LOXL2: variants seen among roughly 807,000 people sequenced by gnomAD.
LOXL2 encodes lysyl oxidase homolog 2.
Under a neutral mutation model 93.0 loss-of-function variants are expected in LOXL2, and 70 were observed. The ratio of observed to expected loss-of-function variants is 0.75; its 90% CI spans 0.62 to 0.92. The LOEUF is 0.92. Among genes scored for constraint, LOXL2 ranks in the 40% least tolerant of loss-of-function variants. LOXL2 has a pLI of 0.00. For synonymous variants in LOXL2, 438 were observed against 413.2 expected, an observed-to-expected ratio of 1.06 and a Z score of -0.73; for missense variants, 973 against 1,054.9, an observed-to-expected ratio of 0.92 and a Z score of 1.08.
At chr8:23,372,044 G>A (rs2117217412) in intron 1 of LOXL2, among the ~76,000 whole-genome samples, 1 of 151,328 alleles carries the variant, frequency 6.6e-6, no homozygotes, top group East Asian at 1.9e-4. Flanking sequence ...CAAAATTGAA[G>A]CAATAAAACA....
At chr8:23,318,424 AGC>A (rs1491144070) in intron 8 of LOXL2, among the ~76,000 whole-genome samples, 671 of 60,482 alleles carry the variant, frequency 0.011, 9 homozygotes, top group African/African-American at 0.034. Context: ...ATTGGTTGAT[AGC>A]ACACACACAC....
chr8:23,370,153 C>T (rs769995629), intron 1 of LOXL2, among the ~76,000 whole-genome samples: 4 of 152,058 alleles, frequency 2.6e-5, no homozygotes, highest in Non-Finnish European at 4.4e-5. Context: ...ACGGTGTCTC[C>T]CTTCTCTCAC....
In LOXL2 at chr8:23,360,089, C is replaced by G; in HGVS notation, c.531+1G>C. On this transcript the variant is annotated splice_donor_variant, in intron 3 of 13. Transcript: ENST00000389131. LOFTEE classifies it high-confidence loss of function. ...GGAAACATCAAGAGCACATGACTTG[C>G]CTCTATCTGGTTGATCAACGAATTG... 6.3e-7 allele frequency: 1 copy of G among 1,597,618 alleles called. No individual in the cohort carries two copies. The highest frequency in any genetic ancestry group is 8.6e-7 in the Non-Finnish European group (1 of 1,165,880).
intron 2 of LOXL2, among the ~76,000 whole-genome samples, chr8:23,366,384 C>T (rs1282092864): frequency 6.6e-6 from 1 of 152,218 alleles, no homozygotes; most frequent in Non-Finnish European, 1.5e-5. Flanking sequence ...CCAGTTACCC[C>T]AAAAGGAAAT....
chr8:23,330,618 G>A (rs1013618733), intron 5 of LOXL2, among the ~76,000 whole-genome samples: 4 of 152,088 alleles, frequency 2.6e-5, no homozygotes, highest in Non-Finnish European at 2.9e-5. Flanking sequence ...TGTAAGGCAC[G>A]CTCGCTCTGT....
chr8:23,322,668 C>T (rs1327576875), intron 6 of LOXL2, among the ~76,000 whole-genome samples: 1 of 152,196 alleles, frequency 6.6e-6, no homozygotes, highest in East Asian at 1.9e-4. Context: ...ATTGCTGTAT[C>T]TGTCAAGGGT....
At chr8:23,325,548 T>C (rs1803564739) in intron 6 of LOXL2, among the ~76,000 whole-genome samples, 1 of 152,174 alleles carries the variant, frequency 6.6e-6, no homozygotes, top group Non-Finnish European at 1.5e-5. Flanking sequence ...TGCCTCTGCT[T>C]CCCAAAGTCC....
At position 23,338,049 on chromosome 8, in the gene LOXL2, CAGA is replaced by C. The variant is rs558229952; in HGVS notation, c.743+2940_743+2942del. Among the ~76,000 whole-genome samples, 458 of 152,300 alleles carry C rather than the reference CAGA, an allele frequency of 3.0e-3. 4 individuals carry two copies. Among genetic ancestry groups the C allele is most frequent in the African/African-American group, 0.01 (424 of 41,556 alleles). Reference sequence around the variant, plus strand: ...GACTGGGGAAGCCTCACCATCATGGCAGAAGGTGAAGGAGGAACAAAGGCACGT... The same window carrying C: ...GACTGGGGAAGCCTCACCATCATGGCAGGTGAAGGAGGAACAAAGGCACGT... On this transcript the variant is annotated intron_variant, in intron 4 of 13. Coordinates refer to ENST00000389131, the MANE Select transcript of LOXL2 (RefSeq NM_002318.3).
rs1161516961 is a variant in LOXL2 at position 23,404,079 on chromosome 8, G to GT, written c.-210_-209insA. On this transcript the variant is annotated 5_prime_UTR_variant, in exon 1 of 14. Coordinates refer to ENST00000389131, the MANE Select transcript of LOXL2 (RefSeq NM_002318.3). ...GCGGCTCTGGTCTCCGATGGCTGGA[G>GT]AAAGCAAGCACCAAGCGTAGGTAGC... The GT allele has an allele frequency of 4.7e-6, 1 of 213,784 alleles. No individual in the cohort carries two copies. Among genetic ancestry groups the GT allele is most frequent in the Admixed American group, 6.1e-5 (1 of 16,386 alleles). The allele number at this position is 213,784 out of a possible 1,614,324, so 13.2% of individuals were successfully genotyped here. A position where few individuals can be genotyped will look rare whatever the true frequency, so the allele number is the denominator to read the frequency against.
intron 3 of LOXL2, 82 bp from the exon 4 acceptor site, chr8:23,341,285 C>T (rs145444213): frequency 1.3e-4 from 153 of 1,162,216 alleles, no homozygotes; most frequent in Non-Finnish European, 1.7e-4. Context: ...ACTTCTTTAG[C>T]GACTATGGGC....
rs540353181 is a variant in LOXL2, at chr8:23,349,250, T to C, written c.532-8047A>G. Among the ~76,000 whole-genome samples, 15 of 152,316 alleles carry C rather than the reference T, an allele frequency of 9.8e-5. No homozygotes were observed. In the South Asian group the frequency reaches 3.1e-3, roughly 32 times the overall value. On this transcript the variant is annotated intron_variant, in intron 3 of 13. Coordinates refer to ENST00000389131, the MANE Select transcript of LOXL2 (RefSeq NM_002318.3). ...CTGTGCTGTCTCCTCGCCTCTGGTT[T>C]CTTCTCCCATCCGTTCATCCTCTTT...
intron 2 of LOXL2, among the ~76,000 whole-genome samples, chr8:23,367,064 T>C (rs1451499469): frequency 6.6e-6 from 1 of 152,174 alleles, no homozygotes; most frequent in Non-Finnish European, 1.5e-5. Flanking sequence ...TTTTTGTTTT[T>C]TTGAGATGGA....
At chr8:23,346,606 G>C (rs1261556606) in intron 3 of LOXL2, among the ~76,000 whole-genome samples, 1 of 152,226 alleles carries the variant, frequency 6.6e-6, no homozygotes, top group Non-Finnish European at 1.5e-5. Flanking sequence ...ATAGTCTGGG[G>C]CTGTCGCCAA....
At chr8:23,354,276 C>T (rs1804145658) in intron 3 of LOXL2, among the ~76,000 whole-genome samples, 1 of 152,114 alleles carries the variant, frequency 6.6e-6, no homozygotes, top group African/African-American at 2.4e-5. Flanking sequence ...GTTACAGAAC[C>T]CAGCCCACAA....
intron 4 of LOXL2, among the ~76,000 whole-genome samples, chr8:23,334,960 G>T (rs1404652656): frequency 6.6e-6 from 1 of 151,942 alleles, no homozygotes. Context: ...GGGATTACAG[G>T]TACCTGCCAC....
rs1803876026 is a variant in LOXL2, at chr8:23,341,121, T to C, written c.614A>G (p.Tyr205Cys). 3.1e-6 allele frequency: 5 copies of C among 1,613,904 alleles called. No homozygotes were observed. The highest frequency in any genetic ancestry group is 4.2e-6 in the Non-Finnish European group (5 of 1,180,026). ...GGTCTTGCCCTCCTTCACCTCCACG[T>C]AGCCCTCCATCACTGGGGTGCGCTT... ...YRKRTPVMEG[Y>C]VEVKEGKTWK... The change falls in exon 4 of 14, where the codon TAC (tyrosine) becomes TGC (cysteine). Residue 205 changes from tyrosine to cysteine, a missense_variant. By Grantham distance (194) the Tyr-to-Cys change is radical. Transcript: ENST00000389131.
intron 4 of LOXL2, among the ~76,000 whole-genome samples, chr8:23,340,574 C>T (rs1803865790): frequency 6.6e-6 from 1 of 152,220 alleles, no homozygotes; most frequent in African/African-American, 2.4e-5. Flanking sequence ...GAATCATTTG[C>T]CAAGAGCAAG....
At chr8:23,388,970 A>ATAAGCAGT (rs1280654635) in intron 1 of LOXL2, among the ~76,000 whole-genome samples, 1 of 152,138 alleles carries the variant, frequency 6.6e-6, no homozygotes, top group African/African-American at 2.4e-5. Flanking sequence ...GTACTGTTAC[A>ATAAGCAGT]ATTGTCCAAC....
In LOXL2 at chr8:23,314,865, A is replaced by C. The variant is rs967616354; in HGVS notation, c.1636+2084T>G. On this transcript the variant is annotated intron_variant, in intron 9 of 13. Transcript: ENST00000389131. ...TAAAAATAAAAATAAAAAAGGAGAA[A>C]AACAACAACAAAAAACAAGTAGCCT... 1.2e-4 allele frequency among the ~76,000 whole-genome samples: 18 copies of C among 152,042 alleles called. 1 individual carries two copies. The South Asian group carries it at 2.9e-3, about 25-fold the overall frequency.
Sources: allele counts gnomAD v4.1 joint callset (sites outside exome capture counted in the v4.1 genomes callset), GRCh38; gene constraint gnomAD v4.1.1; transcripts MANE v1.5; gene names NCBI Gene and HGNC (gene_info 2026-07-23, HGNC 2026-07-21).